Variants in SLC39A11 observed in about 807,000 individuals in gnomAD.
SLC39A11 encodes zinc transporter ZIP11.
A neutral mutation model predicts 36.1 loss-of-function variants in SLC39A11; 33 were observed. The observed-to-expected ratio is 0.91, with a 90% CI of 0.69 to 1.22. The LOEUF (loss-of-function observed/expected upper bound fraction) is 1.22, where lower values mean the gene tolerates loss of function less well. Among genes scored for constraint, SLC39A11 ranks in the 50% most tolerant of loss-of-function variants. The pLI, the probability that SLC39A11 is intolerant of heterozygous loss-of-function variation, is 0.00. For missense variants in SLC39A11, 432 were observed against 430.3 expected (o/e 1.00, Z -0.03); for synonymous variants, 166 against 170.3 (o/e 0.97, Z 0.20).
chr17:72,848,175 C>T (rs2079136473), intron 6 of SLC39A11, among the ~76,000 whole-genome samples: 1 of 152,198 alleles, frequency 6.6e-6, no homozygotes, highest in Admixed American at 6.5e-5. Flanking sequence ...GCATTATCCC[C>T]ATTTCTTAGA....
chr17:72,782,534 C>A (rs2076352807), intron 6 of SLC39A11, among the ~76,000 whole-genome samples: 1 of 151,736 alleles, frequency 6.6e-6, no homozygotes, highest in Non-Finnish European at 1.5e-5. Context: ...ACTGAAAATA[C>A]AAAAATTAGC....
chr17:72,948,227 C>G (rs2085566005), intron 4 of SLC39A11, among the ~76,000 whole-genome samples: 1 of 150,688 alleles, frequency 6.6e-6, no homozygotes, highest in Non-Finnish European at 1.5e-5. Context: ...CTGCAAGCGT[C>G]ATCGCCTCAC....
intron 7 of SLC39A11, among the ~76,000 whole-genome samples, chr17:72,656,495 G>A (rs1458205777): frequency 6.6e-6 from 1 of 152,130 alleles, no homozygotes; most frequent in African/African-American, 2.4e-5. Context: ...GGACAGGAGA[G>A]GAGAGAGGGA....
At chr17:73,026,123 GAGAGA>G (rs373872157) in intron 4 of SLC39A11, among the ~76,000 whole-genome samples, 143 of 150,086 alleles carry the variant, frequency 9.5e-4, no homozygotes, top group African/African-American at 2.5e-3. Flanking sequence ...CCTCGGAAGA[GAGAGA>G]AGAGAAGAGA....
At chr17:73,092,032 G>A (rs934027268) in intron 1 of SLC39A11, 3 of 152,216 alleles carry the variant, frequency 2.0e-5, no homozygotes, top group African/African-American at 7.2e-5. Context: ...GAATCCAGCA[G>A]AAGGATTCAG....
At chr17:73,022,595 TAAAAAAAAAAAA>T (rs10675859) in intron 4 of SLC39A11, among the ~76,000 whole-genome samples, 1 of 56,764 alleles carries the variant, frequency 1.8e-5, no homozygotes, top group Non-Finnish European at 2.8e-5. Context: ...AACTCCATCT[TAAAAAAAAAAAA>T]AAAAAAAAAA....
chr17:72,989,960 G>A (rs749817913), intron 4 of SLC39A11, among the ~76,000 whole-genome samples: 58 of 152,120 alleles, frequency 3.8e-4, no homozygotes, highest in Non-Finnish European at 7.5e-4. Context: ...TCGATGAGAC[G>A]TCATCCTAAA....
chr17:72,719,806 G>C (rs1223005755), intron 7 of SLC39A11, among the ~76,000 whole-genome samples: 1 of 152,220 alleles, frequency 6.6e-6, no homozygotes, highest in African/African-American at 2.4e-5. Context: ...CAGGGACTTG[G>C]GTGGGGGTGG....
At position 72,968,565 on chromosome 17, in the gene SLC39A11, G is replaced by A. The variant is rs574704620; in HGVS notation, c.307-20690C>T. Among the ~76,000 whole-genome samples, 3 of 152,288 alleles carry A rather than the reference G, an allele frequency of 2.0e-5. No homozygotes were observed. In the South Asian group the frequency reaches 6.2e-4, roughly 32 times the overall value. On this transcript the variant is annotated intron_variant, in intron 4 of 9. Transcript: ENST00000255559. ...GAACTAGCCTGATGTGCAGGTGGTGGACTAAGCAGCAAGGGACAGAGTGAC... is the reference window on the plus strand; with the variant it reads ...GAACTAGCCTGATGTGCAGGTGGTGAACTAAGCAGCAAGGGACAGAGTGAC...
intron 6 of SLC39A11, among the ~76,000 whole-genome samples, chr17:72,761,713 A>AG (rs1568046609): frequency 6.6e-6 from 1 of 152,176 alleles, no homozygotes; most frequent in African/African-American, 2.4e-5. Context: ...CACTTGTCTA[A>AG]GATCAAGTGT....
intron 5 of SLC39A11, among the ~76,000 whole-genome samples, chr17:72,870,156 G>T (rs146201185): frequency 6.6e-6 from 1 of 152,024 alleles, no homozygotes; most frequent in Admixed American, 6.5e-5. Flanking sequence ...CTTAAGGTGA[G>T]TCTAATGTGC....
rs2082318787 is a variant in SLC39A11, at chr17:72,900,217, G to GAAAGAAAGAAAGAAAGAAGGAAAA, written c.430+47534_430+47535insTTTTCCTTCTTTCTTTCTTTCTTT. Among the ~76,000 whole-genome samples the GAAAGAAAGAAAGAAAGAAGGAAAA allele has an allele frequency of 1.9e-5, 2 of 107,318 alleles. 1 individual carries two copies. The highest frequency in any genetic ancestry group is 4.0e-5 in the Non-Finnish European group (2 of 49,932). The allele number at this position is 107,318 out of a possible 152,430, so 70.4% of individuals were successfully genotyped here. A position where few individuals can be genotyped will look rare whatever the true frequency, so the allele number is the denominator to read the frequency against. On this transcript the variant is annotated intron_variant, in intron 5 of 9. Coordinates refer to ENST00000255559, the MANE Select transcript of SLC39A11 (RefSeq NM_139177.4). ...AGAAAGAAAGAAAGAAAGAAAGAAA[G>GAAAGAAAGAAAGAAAGAAGGAAAA]AAAGAAAGAAAGAAAAAGACAGCAA...
intron 5 of SLC39A11, among the ~76,000 whole-genome samples, chr17:72,937,226 A>C (rs1016291351): frequency 2.6e-5 from 4 of 152,178 alleles, no homozygotes; most frequent in African/African-American, 9.7e-5. Context: ...GGATCGCCTG[A>C]GCTCAGGAGT....
intron 6 of SLC39A11, among the ~76,000 whole-genome samples, chr17:72,832,153 T>C (rs1240254829): frequency 2.0e-5 from 3 of 152,150 alleles, no homozygotes; most frequent in Non-Finnish European, 4.4e-5. Flanking sequence ...ACAATTAGGA[T>C]GAGCCGTGAA....
chr17:73,031,769 G>T (rs1329943809), intron 3 of SLC39A11, 55 bp from the exon 4 acceptor site: 5 of 1,581,692 alleles, frequency 3.2e-6, no homozygotes. Context: ...AGGCTTTCCA[G>T]GCAGGACCTC....
intron 3 of SLC39A11, among the ~76,000 whole-genome samples, chr17:73,075,994 G>A (rs1264410188): frequency 1.3e-5 from 2 of 152,204 alleles, no homozygotes; most frequent in Non-Finnish European, 2.9e-5. Context: ...TCTAGGTAGA[G>A]TGTTTGGCAG....
chr17:73,061,766 G>A (rs578096954), intron 3 of SLC39A11, among the ~76,000 whole-genome samples: 23 of 151,898 alleles, frequency 1.5e-4, no homozygotes, highest in African/African-American at 2.9e-4. Flanking sequence ...AGGCCAAGGC[G>A]AGTGAATTGC....
intron 5 of SLC39A11, among the ~76,000 whole-genome samples, chr17:72,919,277 A>G (rs1452259131): frequency 6.6e-6 from 1 of 152,026 alleles, no homozygotes; most frequent in Non-Finnish European, 1.5e-5. Flanking sequence ...AATAATAATA[A>G]AGCTATAGAA....
At chr17:73,025,566 T>A (rs1339684224) in intron 4 of SLC39A11, among the ~76,000 whole-genome samples, 1 of 152,086 alleles carries the variant, frequency 6.6e-6, no homozygotes, top group Admixed American at 6.6e-5. Context: ...TAAAATATCA[T>A]CAATAAAAAT....
Sources: allele counts gnomAD v4.1 joint callset (sites outside exome capture counted in the v4.1 genomes callset), GRCh38; gene constraint gnomAD v4.1.1; transcripts MANE v1.5; gene names NCBI Gene and HGNC (gene_info 2026-07-23, HGNC 2026-07-21).